NAALADL2: variants seen among roughly 807,000 people sequenced by gnomAD.
NAALADL2 encodes N-acetylated alpha-linked acidic dipeptidase like 2.
Under a neutral mutation model 87.2 loss-of-function variants are expected in NAALADL2, and 76 were observed. The ratio of observed to expected loss-of-function variants is 0.87; its 90% confidence interval spans 0.72 to 1.05. NAALADL2 has a LOEUF of 1.05. Ranked by LOEUF, NAALADL2 falls within the 50% of genes least tolerant of loss-of-function variation. The probability of loss-of-function intolerance (pLI) is 0.00; values close to 1 mark genes in which losing one functional copy is unlikely to be tolerated. For synonymous variants in NAALADL2, 354 were observed against 331.0 expected (o/e 1.07, Z -0.75); for missense variants, 1,089 against 945.8 (o/e 1.15, Z -1.99).
intron 5 of NAALADL2, among the ~76,000 whole-genome samples, chr3:175,368,562 G>GGTGTGTGTGTGTGT (rs201958182): frequency 1.4e-5 from 2 of 147,048 alleles, no homozygotes; most frequent in Non-Finnish European, 3.0e-5. Context: ...GACTGTAGCA[G>GGTGTGTGTGTGTGT]GTGTGTGTGA....
At chr3:175,247,608 G>C (rs1262626053) in intron 3 of NAALADL2, among the ~76,000 whole-genome samples, 1 of 152,064 alleles carries the variant, frequency 6.6e-6, no homozygotes, top group Admixed American at 6.6e-5. Flanking sequence ...AGAAAGTGGA[G>C]AGTAATAGGC....
chr3:175,292,673 A>G (rs1267523408), intron 4 of NAALADL2, among the ~76,000 whole-genome samples: 3 of 151,796 alleles, frequency 2.0e-5, no homozygotes, highest in Non-Finnish European at 4.4e-5. Flanking sequence ...CTGATAATTC[A>G]GTCACCCATT....
At chr3:174,957,648 T>C (rs372318450) in intron 1 of NAALADL2, among the ~76,000 whole-genome samples, 4 of 151,940 alleles carry the variant, frequency 2.6e-5, no homozygotes, top group Non-Finnish European at 5.9e-5. Context: ...AAACATTCCA[T>C]TGACCAGTGT....
chr3:175,154,380 T>C (rs2108800247), intron 2 of NAALADL2, among the ~76,000 whole-genome samples: 1 of 152,184 alleles, frequency 6.6e-6, no homozygotes, highest in East Asian at 1.9e-4. Flanking sequence ...CAACACACTG[T>C]TTAAGTTAAG....
chr3:174,820,590 G>T (rs1172910319), intron 3 of NAALADL2, among the ~76,000 whole-genome samples: 1 of 152,002 alleles, frequency 6.6e-6, no homozygotes, highest in Non-Finnish European at 1.5e-5. Flanking sequence ...GCAACAATGA[G>T]TTGTGAAACT....
At chr3:174,993,262 A>G (rs532081217) in intron 1 of NAALADL2, among the ~76,000 whole-genome samples, 1 of 152,268 alleles carries the variant, frequency 6.6e-6, no homozygotes, top group Non-Finnish European at 1.5e-5. Context: ...TAAGGATTCA[A>G]AGGGGGAAAA....
intron 1 of NAALADL2, among the ~76,000 whole-genome samples, chr3:174,456,444 C>T (rs1480931552): frequency 7.3e-6 from 1 of 137,184 alleles, no homozygotes; most frequent in Non-Finnish European, 1.5e-5. Context: ...AATCAGGAAG[C>T]ATCACTCTAC....
intron 9 of NAALADL2, among the ~76,000 whole-genome samples, chr3:175,494,692 C>A (rs1728567162): frequency 6.6e-6 from 1 of 152,078 alleles, no homozygotes; most frequent in African/African-American, 2.4e-5. Flanking sequence ...GATTTCCAAT[C>A]GGTACCTAGG....
chr3:174,712,345 A>G (rs996609734), intron 2 of NAALADL2, among the ~76,000 whole-genome samples: 1 of 145,318 alleles, frequency 6.9e-6, no homozygotes, highest in Non-Finnish European at 1.5e-5. Context: ...AGGTCTACTC[A>G]TATGTTCCCT....
At chr3:174,460,678 TTAAACTTTA>T (rs1371498046) in intron 1 of NAALADL2, among the ~76,000 whole-genome samples, 1 of 152,190 alleles carries the variant, frequency 6.6e-6, no homozygotes, top group East Asian at 1.9e-4. Flanking sequence ...AAGTATTATT[TTAAACTTTA>T]TAAACGTAAT....
intron 3 of NAALADL2, among the ~76,000 whole-genome samples, chr3:174,784,666 A>G (rs1050145637): frequency 6.6e-6 from 1 of 152,210 alleles, no homozygotes; most frequent in Admixed American, 6.6e-5. Context: ...TTGAAGGTCT[A>G]ATAGTAGAGA....
chr3:175,272,938 A>C (rs1218206647), intron 4 of NAALADL2, among the ~76,000 whole-genome samples: 2 of 152,118 alleles, frequency 1.3e-5, no homozygotes, highest in African/African-American at 4.8e-5. Context: ...GCAATATAGC[A>C]ATAACATATT....
At chr3:175,464,405 C>G (rs945851803) in intron 7 of NAALADL2, among the ~76,000 whole-genome samples, 2 of 132,804 alleles carry the variant, frequency 1.5e-5, no homozygotes, top group African/African-American at 5.8e-5. Flanking sequence ...GCCTGGGCAA[C>G]AGAGAGAGAC....
At chr3:175,133,101 C>T (rs577006331) in intron 2 of NAALADL2, among the ~76,000 whole-genome samples, 12 of 146,328 alleles carry the variant, frequency 8.2e-5, no homozygotes, top group South Asian at 2.2e-4. Context: ...GGGGCAGAGG[C>T]GCTCCCCACA....
At chr3:175,763,016 G>A (rs1404799919) in intron 13 of NAALADL2, among the ~76,000 whole-genome samples, 1 of 152,002 alleles carries the variant, frequency 6.6e-6, no homozygotes, top group Non-Finnish European at 1.5e-5. Context: ...CCCAGGAGGC[G>A]GAGCTTGCAG....
rs1230666504 is a variant in NAALADL2, at chr3:174,914,552, C to A, written c.43+55102C>A. Reference sequence around the variant, plus strand: ...TCCTATAAGTAAAGTTAGACTAATGCTATTGTCATGGTAAGAATAAAAGGC... The same window carrying A: ...TCCTATAAGTAAAGTTAGACTAATGATATTGTCATGGTAAGAATAAAAGGC... On this transcript the variant is annotated intron_variant, in intron 1 of 13. Transcript: ENST00000454872. Among the ~76,000 whole-genome samples, 3 of 152,040 alleles carry A rather than the reference C, an allele frequency of 2.0e-5. No homozygotes were observed. In the East Asian group the frequency reaches 5.8e-4, roughly 29 times the overall value.
intron 2 of NAALADL2, among the ~76,000 whole-genome samples, chr3:175,213,282 A>G (rs1742033274): frequency 6.6e-6 from 1 of 152,064 alleles, no homozygotes; most frequent in Non-Finnish European, 1.5e-5. Context: ...GCTGTGACAA[A>G]CCTAAACACT....
chr3:175,698,427 ATGTG>A (rs1412259681), intron 11 of NAALADL2, among the ~76,000 whole-genome samples: 1 of 135,950 alleles, frequency 7.4e-6, no homozygotes, highest in African/African-American at 2.9e-5. Context: ...ATACATATGT[ATGTG>A]TATATATTTA....
At chr3:174,581,044 G>T (rs145639257) in intron 2 of NAALADL2, among the ~76,000 whole-genome samples, 1 of 152,272 alleles carries the variant, frequency 6.6e-6, no homozygotes, top group Non-Finnish European at 1.5e-5. Context: ...AGTAATGACA[G>T]TGTGCCTCAT....
Sources: allele counts gnomAD v4.1 joint callset (sites outside exome capture counted in the v4.1 genomes callset), GRCh38; gene constraint gnomAD v4.1.1; transcripts MANE v1.5; gene names NCBI Gene and HGNC (gene_info 2026-07-23, HGNC 2026-07-21).